The following SLC17A9 variants were observed in gnomAD, a reference collection of about 807,000 sequenced individuals.
The protein encoded by SLC17A9 is solute carrier family 17 member 9, also known as voltage-gated purine nucleotide uniporter SLC17A9.
A neutral mutation model predicts 55.0 loss-of-function variants in SLC17A9; 49 were observed. The ratio of observed to expected loss-of-function variants is 0.89; its 90% CI spans 0.71 to 1.13. The LOEUF (loss-of-function observed/expected upper bound fraction) is 1.13. Ranked by LOEUF, SLC17A9 falls within the 50% of genes most tolerant of loss-of-function variation. The pLI, the probability that SLC17A9 is intolerant of heterozygous loss-of-function variation, is 0.00. For missense variants in SLC17A9, 526 were observed against 569.3 expected (o/e 0.92, Z 0.77); for synonymous variants, 256 against 247.4 (o/e 1.03, Z -0.32).
At chr20:62,957,743 CGTGTGTAAGTGTGTGTATG>C in intron 3 of SLC17A9, among the ~76,000 whole-genome samples, 163 bp downstream of exon 3, 1 of 143,092 alleles carries the variant, frequency 7.0e-6, no homozygotes, top group Non-Finnish European at 1.5e-5. Flanking sequence ...TGTGTGTGTG[CGTGTGTAAGTGTGTGTATG>C]GCATGCCCGC....
In SLC17A9 at chr20:62,967,693, C is replaced by T. The variant is rs566944491; in HGVS notation, c.*193C>T. 9 of 577,384 alleles carry T rather than the reference C, an allele frequency of 1.6e-5. No individual in the cohort carries two copies. Among genetic ancestry groups the T allele is most frequent in the Admixed American group, 9.7e-5 (3 of 31,086 alleles). 35.8% of individuals were successfully genotyped at this position (577,384 alleles called of 1,614,324 possible). On this transcript the variant is annotated 3_prime_UTR_variant, in exon 13 of 13. Transcript: ENST00000370351. ...AGGGTGGGGTGGGCCTGGGTCCAGA[C>T]CAGGCTCGCTGCTCTCTGGGCCTCA...
chr20:62,961,515 C>T lies in SLC17A9; in HGVS notation c.497+912C>T, dbSNP rs545710851. Among the ~76,000 whole-genome samples the T allele has an allele frequency of 3.3e-4, 51 of 152,290 alleles. No homozygotes were observed. In the East Asian group the frequency reaches 4.5e-3, roughly 13 times the overall value. ...CCAGGCCAGGGGTGGGAGGCCTTCC[C>T]GGTGGTTGTAGCAGGGTGGATTGGT... On this transcript the variant is annotated intron_variant, in intron 4 of 12. Transcript: ENST00000370351.
intron 8 of SLC17A9, among the ~76,000 whole-genome samples, chr20:62,964,558 G>A (rs1419018349): frequency 1.3e-5 from 2 of 152,202 alleles, no homozygotes; most frequent in Non-Finnish European, 1.5e-5. Context: ...GACCCTCCAG[G>A]AAGGCACCTG....
chr20:62,955,412 C>T (rs535396116), intron 1 of SLC17A9, among the ~76,000 whole-genome samples: 12 of 152,262 alleles, frequency 7.9e-5, no homozygotes, highest in African/African-American at 2.9e-4. Flanking sequence ...TCCCCAAGTG[C>T]TGGGATTACA....
intron 1 of SLC17A9, among the ~76,000 whole-genome samples, chr20:62,954,477 T>C (rs2065519046): frequency 6.6e-6 from 1 of 152,216 alleles, no homozygotes; most frequent in Admixed American, 6.5e-5. Flanking sequence ...CTCTAGAAAG[T>C]TCACAGGAAG....
chr20:62,963,541 C>T (rs1188609849), intron 6 of SLC17A9, 43 bp from the exon 7 acceptor site: 4 of 1,559,864 alleles, frequency 2.6e-6, no homozygotes, highest in South Asian at 2.3e-5. Flanking sequence ...GCCCGGCCAG[C>T]TCGTGCGGCA....
At chr20:62,965,046 CT>C (rs1393209135) in intron 8 of SLC17A9, 85 bp from the exon 9 acceptor site, 5 of 1,515,444 alleles carry the variant, frequency 3.3e-6, no homozygotes, top group Non-Finnish European at 4.6e-6. Flanking sequence ...CCTGCTGCCC[CT>C]CTGCAGCCAT....
At chr20:62,965,313 A>C in intron 9 of SLC17A9, 147 bp downstream of exon 9, 1 of 1,104,408 alleles carries the variant, frequency 9.1e-7, no homozygotes, top group Non-Finnish European at 1.3e-6. Flanking sequence ...TGGGGCCCAG[A>C]AGGGGCTGTT....
At position 62,965,610 on chromosome 20, in the gene SLC17A9, G is replaced by A. The variant is rs1433934257; in HGVS notation, c.946G>A (p.Gly316Ser). Residue 316 changes from glycine to serine, a missense_variant and splice_region_variant, in exon 10 of 13, where the codon GGC (glycine) becomes AGC (serine). Transcript: ENST00000370351. ...RAITVRKLMQGMGLGLSSVFA... is the reference protein window; with the variant it reads ...RAITVRKLMQSMGLGLSSVFA... ...CCGTCACGGTGGCGCTTTCCTGCAG[G>A]GCATGGGCCTTGGCCTCTCCAGCGT... 1.1e-5 allele frequency: 17 copies of A among 1,612,246 alleles called. No homozygotes were observed. The highest frequency in any genetic ancestry group is 1.4e-5 in the Non-Finnish European group (17 of 1,179,906).
Position 62,957,442 on chromosome 20 carries a change from A to G in SLC17A9, c.259A>G (p.Ile87Val), listed in dbSNP as rs1169805797. 2.5e-6 allele frequency: 4 copies of G among 1,582,548 alleles called. No individual in the cohort carries two copies. In the East Asian group the frequency reaches 9.0e-5, roughly 36 times the overall value. Residue 87 changes from isoleucine (I) to valine (V), a missense_variant and splice_region_variant, in exon 3 of 13, where the codon ATT becomes GTT. Ile to Val is a conservative substitution (Grantham distance 29, BLOSUM62 3). Transcript: ENST00000370351. ...QVVGGHLGDR[I>V]GGEKVILLSA... The stretch of plus-strand genomic sequence containing the variant: ...CACCTCCCTCTGTCTTCCCTCCAGG[A>G]TTGGGGGTGAGAAGGTCATCCTGCT...
chr20:62,966,610 C>A, intron 11 of SLC17A9, 30 bp downstream of exon 11: 1 of 1,613,906 alleles, frequency 6.2e-7, no homozygotes, highest in South Asian at 1.1e-5. Context: ...CCAGCTTTGC[C>A]CCTCCCTGGG....
intron 9 of SLC17A9, 148 bp from the exon 10 acceptor site, chr20:62,965,462 G>T: frequency 2.6e-6 from 2 of 780,386 alleles, no homozygotes; most frequent in Non-Finnish European, 4.3e-6. Context: ...ACCTCCTCTA[G>T]GGGGCCTGGT....
At chr20:62,954,743 AG>A (rs775912994) in intron 1 of SLC17A9, among the ~76,000 whole-genome samples, 2 of 152,230 alleles carry the variant, frequency 1.3e-5, no homozygotes, top group Non-Finnish European at 2.9e-5. Flanking sequence ...AGCTCAGAGA[AG>A]GGGCTGTGGC....
In SLC17A9 at chr20:62,964,275, T is replaced by G. The variant is rs964930081; in HGVS notation, c.870T>G (p.Ser290Arg). 1.2e-6 allele frequency: 2 copies of G among 1,614,084 alleles called. No individual in the cohort carries two copies. Among genetic ancestry groups the G allele is most frequent in the African/African-American group, 1.3e-5 (1 of 74,942 alleles). The change falls in exon 8 of 13, where the codon AGT becomes AGG. Residue 290 changes from serine (S) to arginine (R), a missense_variant. Coordinates refer to ENST00000370351, the MANE Select transcript of SLC17A9 (RefSeq NM_022082.4). ...CTTGGTTGGTGGCGATTCCGGCCAG[T>G]CTATTCAGCGGGTTTCTCTCTGATC... is the stretch of plus-strand genomic sequence containing the variant. ...VVPWLVAIPA[S>R]LFSGFLSDHL...
At chr20:62,960,784 G>A (rs1336278103) in intron 4 of SLC17A9, among the ~76,000 whole-genome samples, 181 bp downstream of exon 4, 2 of 152,236 alleles carry the variant, frequency 1.3e-5, no homozygotes, top group African/African-American at 2.4e-5. Context: ...TACCAGCCCC[G>A]GGCACCGCGC....
At chr20:62,964,916 C>T (rs572561338) in intron 8 of SLC17A9, 12 of 568,910 alleles carry the variant, frequency 2.1e-5, no homozygotes, top group African/African-American at 1.3e-4. Context: ...CCCAAACCCA[C>T]GCCTTGGGAA....
chr20:62,957,721 T>C (rs1601087986), intron 3 of SLC17A9, 141 bp downstream of exon 3: 2 of 648,166 alleles, frequency 3.1e-6, no homozygotes, highest in Non-Finnish European at 4.6e-6. Context: ...CCCGCGTGCA[T>C]GCGTGCACCT....
chr20:62,959,185 G>A (rs914719255), intron 3 of SLC17A9, among the ~76,000 whole-genome samples: 6 of 152,208 alleles, frequency 3.9e-5, no homozygotes, highest in African/African-American at 1.4e-4. Flanking sequence ...CTCGGACTGG[G>A]CTGACCAATG....
intron 3 of SLC17A9, among the ~76,000 whole-genome samples, chr20:62,957,801 G>A (rs1384714660): frequency 2.5e-5 from 3 of 120,926 alleles, no homozygotes; most frequent in African/African-American, 5.4e-5. Context: ...GTGTGTGTGC[G>A]TGTGCAAGTG....
Sources: allele counts gnomAD v4.1 joint callset (sites outside exome capture counted in the v4.1 genomes callset), GRCh38; gene constraint gnomAD v4.1.1; transcripts MANE v1.5; gene names NCBI Gene and HGNC (gene_info 2026-07-23, HGNC 2026-07-21).